TYR: variants seen among roughly 807,000 people sequenced by gnomAD.
The protein encoded by TYR is tyrosinase, also known as LB24-AB.
A neutral mutation model predicts 51.5 loss-of-function variants in TYR; 58 were observed. The observed-to-expected ratio is 1.13, with a 90% CI of 0.91 to 1.40. The LOEUF is 1.40. TYR is among the 40% of genes most tolerant of loss of function. The probability of loss-of-function intolerance (pLI) is 0.00; values close to 1 mark genes in which losing one functional copy is unlikely to be tolerated. For synonymous variants in TYR, 263 were observed against 235.2 expected (o/e 1.12, Z -1.08); for missense variants, 732 against 647.4 (o/e 1.13, Z -1.42).
intron 3 of TYR, among the ~76,000 whole-genome samples, chr11:89,248,030 G>A (rs899962250): frequency 4.6e-5 from 7 of 152,112 alleles, no homozygotes; most frequent in African/African-American, 1.7e-4. Flanking sequence ...GCCTCATTTT[G>A]AATCCCAAAC....
chr11:89,197,193 G>T (rs576442345), intron 2 of TYR, among the ~76,000 whole-genome samples: 4 of 152,096 alleles, frequency 2.6e-5, no homozygotes, highest in Non-Finnish European at 4.4e-5. Flanking sequence ...CAAAAAATGA[G>T]AAGTTCTACG....
intron 4 of TYR, among the ~76,000 whole-genome samples, chr11:89,289,977 T>C (rs142725285): frequency 0.014 from 2,173 of 152,192 alleles, 46 homozygotes; most frequent in African/African-American, 0.05. Flanking sequence ...CCAAGGGCTA[T>C]ACATACATTG....
At chr11:89,207,105 T>A (rs902159417) in intron 2 of TYR, among the ~76,000 whole-genome samples, 4 of 150,472 alleles carry the variant, frequency 2.7e-5, no homozygotes, top group African/African-American at 9.8e-5. Context: ...GCACAGAGAA[T>A]GAAGGAAATA....
At chr11:89,269,702 G>T (rs2135313734) in intron 3 of TYR, among the ~76,000 whole-genome samples, 1 of 151,992 alleles carries the variant, frequency 6.6e-6, no homozygotes, top group East Asian at 1.9e-4. Flanking sequence ...ATCGGCCACA[G>T]TTGAATTTCT....
At chr11:89,246,384 T>G (rs1434401181) in intron 3 of TYR, among the ~76,000 whole-genome samples, 1 of 152,156 alleles carries the variant, frequency 6.6e-6, no homozygotes, top group Non-Finnish European at 1.5e-5. Flanking sequence ...AGTTCATACT[T>G]TATAAACTAT....
chr11:89,290,264 T>G (rs1944840168), intron 4 of TYR, among the ~76,000 whole-genome samples: 2 of 152,066 alleles, frequency 1.3e-5, no homozygotes, highest in South Asian at 4.1e-4. Context: ...AAAGTCTGAA[T>G]TTGAAGGATG....
At chr11:89,262,880 A>G (rs1336589043) in intron 3 of TYR, among the ~76,000 whole-genome samples, 20 of 148,022 alleles carry the variant, frequency 1.4e-4, no homozygotes, top group African/African-American at 4.9e-4. Context: ...AAACAACAAC[A>G]ACAACAACAA....
chr11:89,274,522 A>G (rs1422074978), intron 3 of TYR, among the ~76,000 whole-genome samples: 1 of 151,910 alleles, frequency 6.6e-6, no homozygotes, highest in Non-Finnish European at 1.5e-5. Context: ...CTGCATGTTA[A>G]GTACTGCCCT....
intron 4 of TYR, among the ~76,000 whole-genome samples, chr11:89,292,925 T>C (rs1944866489): frequency 6.6e-6 from 1 of 152,170 alleles, no homozygotes; most frequent in Admixed American, 6.5e-5. Context: ...TGTAAAGGAA[T>C]GGCCTGCTAG....
At chr11:89,226,634 T>A (rs530610459) in intron 2 of TYR, among the ~76,000 whole-genome samples, 1 of 152,172 alleles carries the variant, frequency 6.6e-6, no homozygotes, top group Non-Finnish European at 1.5e-5. Flanking sequence ...ACAAGGCATG[T>A]GATGCAAAAA....
At chr11:89,258,283 T>C (rs1292884678) in intron 3 of TYR, among the ~76,000 whole-genome samples, 1 of 151,990 alleles carries the variant, frequency 6.6e-6, no homozygotes, top group African/African-American at 2.4e-5. Context: ...GGAGAAAAAT[T>C]GTGTTTCCAT....
chr11:89,178,919 C>A (rs1943265315), intron 1 of TYR, 147 bp downstream of exon 1: 2 of 776,228 alleles, frequency 2.6e-6, no homozygotes, highest in Non-Finnish European at 4.3e-6. Context: ...CTCAATGTAT[C>A]TTGTATTTTT....
chr11:89,254,116 G>A (rs540863947), intron 3 of TYR, among the ~76,000 whole-genome samples: 1 of 151,426 alleles, frequency 6.6e-6, no homozygotes, highest in South Asian at 2.1e-4. Flanking sequence ...TGTTTATGTG[G>A]TATATCACAT....
chr11:89,266,253 G>GT (rs1287580288), intron 3 of TYR, among the ~76,000 whole-genome samples: 1 of 151,886 alleles, frequency 6.6e-6, no homozygotes, highest in Non-Finnish European at 1.5e-5. Flanking sequence ...GTGTATTGGT[G>GT]TTCTGTATAT....
intron 1 of TYR, among the ~76,000 whole-genome samples, chr11:89,190,816 A>C (rs1591142534): frequency 6.6e-6 from 1 of 152,098 alleles, no homozygotes; most frequent in East Asian, 1.9e-4. Context: ...TTTATACTGT[A>C]TTTTTACTGT....
chr11:89,216,546 A>G (rs1326692005), intron 2 of TYR, among the ~76,000 whole-genome samples: 2 of 149,784 alleles, frequency 1.3e-5, no homozygotes, highest in Non-Finnish European at 3.0e-5. Context: ...TCAGCTACTC[A>G]GTAGGCTGAG....
At chr11:89,285,285 G>C (rs1296064004) in intron 4 of TYR, among the ~76,000 whole-genome samples, 1 of 151,712 alleles carries the variant, frequency 6.6e-6, no homozygotes, top group Non-Finnish European at 1.5e-5. Context: ...CTACATCCCT[G>C]AATCTCAGTT....
intron 3 of TYR, among the ~76,000 whole-genome samples, chr11:89,276,727 C>T (rs1480314404): frequency 6.6e-6 from 1 of 151,452 alleles, no homozygotes; most frequent in Non-Finnish European, 1.5e-5. Flanking sequence ...TCAAGCAGAG[C>T]GTCTTCCAAG....
chr11:89,199,015 GT>G (rs1362751602), intron 2 of TYR, among the ~76,000 whole-genome samples: 4 of 152,150 alleles, frequency 2.6e-5, no homozygotes, highest in African/African-American at 9.6e-5. Context: ...GCGGTGTTTG[GT>G]TTTTTGTCCT....
Sources: gnomAD v4.1 joint callset for allele counts (sites outside exome capture counted in the v4.1 genomes callset) on GRCh38, gnomAD v4.1.1 for gene constraint, MANE v1.5 for transcripts, NCBI Gene and HGNC (gene_info 2026-07-23, HGNC 2026-07-21) for gene names.